Variants in LDLRAD3 observed in about 807,000 individuals in gnomAD.
The protein encoded by LDLRAD3 is low-density lipoprotein receptor class A domain-containing protein 3.
A neutral mutation model predicts 29.4 loss-of-function variants in LDLRAD3; 20 were observed. That is an observed-to-expected ratio of 0.68 (90% CI 0.48 to 0.99). LDLRAD3 has a LOEUF of 0.99. Ranked by LOEUF, LDLRAD3 falls within the 50% of genes least tolerant of loss-of-function variation. LDLRAD3 has a pLI of 0.00. For missense variants in LDLRAD3, 420 were observed against 454.3 expected, an observed-to-expected ratio of 0.92 and a Z score of 0.69; for synonymous variants, 157 against 192.7, an observed-to-expected ratio of 0.81 and a Z score of 1.53.
intron 1 of LDLRAD3, among the ~76,000 whole-genome samples, chr11:35,948,466 G>A (rs1162342218): frequency 6.6e-6 from 1 of 150,572 alleles, no homozygotes; most frequent in African/African-American, 2.5e-5. Flanking sequence ...GTGTGTGTGT[G>A]TGTGCACATG....
chr11:35,945,081 T>A (rs1239792364), intron 1 of LDLRAD3, among the ~76,000 whole-genome samples: 2 of 152,222 alleles, frequency 1.3e-5, no homozygotes, highest in African/African-American at 4.8e-5. Flanking sequence ...CGTTTATTTC[T>A]GGGCATCTGA....
intron 2 of LDLRAD3, among the ~76,000 whole-genome samples, chr11:36,055,557 G>A (rs897538651): frequency 7.2e-5 from 11 of 152,232 alleles, no homozygotes; most frequent in Non-Finnish European, 1.5e-4. Context: ...AGCACAGCCT[G>A]GGGGACTGGC....
chr11:36,199,646 T>C (rs1644777221), intron 4 of LDLRAD3, among the ~76,000 whole-genome samples: 1 of 152,190 alleles, frequency 6.6e-6, no homozygotes. Flanking sequence ...TGACAGCCGC[T>C]GCTTAGCATG....
intron 3 of LDLRAD3, among the ~76,000 whole-genome samples, chr11:36,097,959 A>G (rs750542191): frequency 1.8e-4 from 27 of 152,238 alleles, no homozygotes; most frequent in African/African-American, 6.3e-4. Flanking sequence ...CTAAAAGTTA[A>G]TGTTCCTAAG....
chr11:35,992,932 A>T (rs1851707828), intron 1 of LDLRAD3, among the ~76,000 whole-genome samples: 1 of 152,186 alleles, frequency 6.6e-6, no homozygotes, highest in South Asian at 2.1e-4. Context: ...GTGAATCAAA[A>T]CATACCCTTC....
chr11:36,229,633 C>A lies in LDLRAD3; in HGVS notation c.*236C>A. On this transcript the variant is annotated 3_prime_UTR_variant, in exon 6 of 6. Transcript: ENST00000315571. ...CTGTCAGGTCACTCTTCCCTTGGGA[C>A]CCGAGATCACACCCTCATTTTTCAC... 2.0e-6 allele frequency: 1 copy of A among 490,692 alleles called. No homozygotes were observed. Among genetic ancestry groups the A allele is most frequent in the South Asian group, 4.2e-5 (1 of 23,734 alleles). 30.4% of individuals were successfully genotyped at this position (490,692 alleles called of 1,614,324 possible).
At chr11:36,175,799 T>C (rs540379381) in intron 4 of LDLRAD3, among the ~76,000 whole-genome samples, 1 of 152,308 alleles carries the variant, frequency 6.6e-6, no homozygotes, top group South Asian at 2.1e-4. Flanking sequence ...TTGGGTAGAA[T>C]GTTCTGTACA....
At chr11:36,116,937 G>A (rs1175715916) in intron 4 of LDLRAD3, among the ~76,000 whole-genome samples, 2 of 151,386 alleles carry the variant, frequency 1.3e-5, no homozygotes, top group Non-Finnish European at 2.9e-5. Context: ...TGCCTCCCGG[G>A]TTCAACCAAT....
At chr11:36,209,446 G>A (rs972023457) in intron 4 of LDLRAD3, among the ~76,000 whole-genome samples, 2 of 135,526 alleles carry the variant, frequency 1.5e-5, no homozygotes, top group South Asian at 4.7e-4. Context: ...TGCAACCTTC[G>A]CCTCCCGGGT....
intron 4 of LDLRAD3, among the ~76,000 whole-genome samples, chr11:36,121,088 A>C (rs192458736): frequency 2.8e-3 from 424 of 152,202 alleles, no homozygotes; most frequent in African/African-American, 9.9e-3. Flanking sequence ...CTAGTTCACT[A>C]TTCTGTCCCC....
Position 36,122,753 on chromosome 11 carries a change from T to A in LDLRAD3, c.454+24292T>A, listed in dbSNP as rs574869885. ...TCATGGTACTGCCTGGTGTGATGGT[T>A]CATGCCTGTAATCCCAGCACTTTGG... On this transcript the variant is annotated intron_variant, in intron 4 of 5. Transcript: ENST00000315571. Among the ~76,000 whole-genome samples the A allele has an allele frequency of 3.9e-5, 6 of 152,290 alleles. No individual in the cohort carries two copies. The South Asian group carries it at 1.2e-3, about 32-fold the overall frequency.
intron 4 of LDLRAD3, among the ~76,000 whole-genome samples, chr11:36,117,200 T>C (rs550672324): frequency 1.4e-4 from 21 of 152,204 alleles, no homozygotes; most frequent in African/African-American, 4.8e-4. Flanking sequence ...AGGTAGAATC[T>C]GGAAGGAAAA....
chr11:36,080,290 C>T (rs919883603), intron 2 of LDLRAD3, among the ~76,000 whole-genome samples: 2 of 152,166 alleles, frequency 1.3e-5, no homozygotes, highest in African/African-American at 4.8e-5. Context: ...GAACCATTAA[C>T]GGGAGAGTAC....
At chr11:36,036,655 C>A (rs1852309136) in intron 2 of LDLRAD3, among the ~76,000 whole-genome samples, 1 of 152,186 alleles carries the variant, frequency 6.6e-6, no homozygotes, top group South Asian at 2.1e-4. Flanking sequence ...ATGCTGGTGA[C>A]CATCTTACAG....
chr11:36,130,981 C>T (rs193275502), intron 4 of LDLRAD3, among the ~76,000 whole-genome samples: 142 of 152,332 alleles, frequency 9.3e-4, no homozygotes, highest in Non-Finnish European at 1.6e-3. Context: ...ACCTGGTACC[C>T]GTCACAACCC....
chr11:36,190,627 G>A (rs186522905), intron 4 of LDLRAD3, among the ~76,000 whole-genome samples: 162 of 152,174 alleles, frequency 1.1e-3, no homozygotes, highest in African/African-American at 3.6e-3. Context: ...TATCCAAATC[G>A]TAGGAATTCT....
intron 1 of LDLRAD3, among the ~76,000 whole-genome samples, chr11:35,947,292 T>C (rs1016964309): frequency 2.0e-5 from 3 of 151,594 alleles, no homozygotes; most frequent in African/African-American, 7.3e-5. Context: ...GTGGATCGCT[T>C]GAGGTCAGGA....
chr11:36,202,638 G>A (rs1855143143), intron 4 of LDLRAD3, among the ~76,000 whole-genome samples: 1 of 152,154 alleles, frequency 6.6e-6, no homozygotes, highest in Non-Finnish European at 1.5e-5. Flanking sequence ...GGAAATTATT[G>A]TAAGTCCCCA....
chr11:36,125,451 G>A (rs547611395), intron 4 of LDLRAD3, among the ~76,000 whole-genome samples: 5 of 152,148 alleles, frequency 3.3e-5, no homozygotes, highest in South Asian at 2.1e-4. Context: ...TGCCTAATAC[G>A]CAGCAAGCAG....
Sources: gnomAD v4.1 joint callset for allele counts (sites outside exome capture counted in the v4.1 genomes callset) on GRCh38, gnomAD v4.1.1 for gene constraint, MANE v1.5 for transcripts, NCBI Gene and HGNC (gene_info 2026-07-23, HGNC 2026-07-21) for gene names.